Variants in CCHCR1 observed in about 807,000 individuals in gnomAD.
CCHCR1 encodes HCR (a-helix coiled-coil rod homologue).
In CCHCR1, 91 loss-of-function variants were observed where a neutral mutation model predicts 114.6. The ratio of observed to expected loss-of-function variants is 0.79; its 90% CI spans 0.67 to 0.94. CCHCR1 has a LOEUF of 0.94. Among genes scored for constraint, CCHCR1 ranks in the 40% least tolerant of loss-of-function variants. CCHCR1 has a pLI of 0.00. For synonymous variants in CCHCR1, 379 were observed against 428.5 expected (o/e 0.88, Z 1.43); for missense variants, 899 against 1,079.9 (o/e 0.83, Z 2.35).
Position 31,151,025 on chromosome 6 carries a change from C to T in CCHCR1, c.899G>A (p.Arg300Lys). Residue 300 changes from arginine (R) to lysine (K), a missense_variant, in exon 5 of 18, where the codon AGA becomes AAA. Physicochemically the swap from Arg to Lys is conservative, Grantham distance 26. Transcript: ENST00000396268. This position sits in a 1 kb window ranked among gnomAD's most constrained non-coding sequence, Gnocchi z 4.1. ...GGCCAGCTCCTTGGCTTCCCCTGCT[C>T]TTCTGGTTTCCAGACTACTCAGAGA... ...EKSLSSLETR[R>K]AGEAKELAEA... 1 of 1,613,110 alleles carries T rather than the reference C, an allele frequency of 6.2e-7. No homozygotes were observed. The highest frequency in any genetic ancestry group is 8.5e-7 in the Non-Finnish European group (1 of 1,180,048).
Position 31,150,078 on chromosome 6 carries a change from C to CTG in CCHCR1, c.1348_1349dup (p.Gln450HisfsTer3). The CTG allele has an allele frequency of 6.2e-7, 1 of 1,614,188 alleles. No individual in the cohort carries two copies. Among genetic ancestry groups the CTG allele is most frequent in the Non-Finnish European group, 8.5e-7 (1 of 1,180,034 alleles). On this transcript the variant is annotated frameshift_variant, in exon 8 of 18. Transcript: ENST00000396268. LOFTEE classifies it high-confidence loss of function. This position sits in a 1 kb window ranked among gnomAD's most constrained non-coding sequence, Gnocchi z 5.3. ...AGAGTGCAGTGACCTGTCCCTTCAG[C>CTG]TGCTTAACAGAGTCACTGTGTTCCA...
rs776489467 is a variant in CCHCR1 at position 31,150,941 on chromosome 6, C to T, written c.965+18G>A. On this transcript the variant is annotated intron_variant, in intron 5 of 17. Coordinates refer to ENST00000396268, the MANE Select transcript of CCHCR1 (RefSeq NM_001105564.2). This position sits in a 1 kb window ranked among gnomAD's most constrained non-coding sequence, Gnocchi z 5.3. ...ACATCACTAATTGCTGGGCTCCCGTCGGCGTCCGCCCACCTACCTCAGCTG... is the reference window on the plus strand; with the variant it reads ...ACATCACTAATTGCTGGGCTCCCGTTGGCGTCCGCCCACCTACCTCAGCTG... The T allele has an allele frequency of 3.7e-6, 6 of 1,611,788 alleles. No individual in the cohort carries two copies. The highest frequency in any genetic ancestry group is 1.3e-5 in the African/African-American group (1 of 74,866).
Position 31,157,556 on chromosome 6 carries a change from TA to T in CCHCR1, c.44del (p.Leu15Ter). On this transcript the variant is annotated frameshift_variant, in exon 1 of 18. Transcript: ENST00000396268. LOFTEE classifies it high-confidence loss of function. Reference sequence around the variant, plus strand: ...CCATGACTCTTGGGTCCTTCCCTGTTAAAGTGCTGGCCCAAGGCCTGGCCCC... The same window carrying T: ...CCATGACTCTTGGGTCCTTCCCTGTTAAGTGCTGGCCCAAGGCCTGGCCCC... ...SAGARPWAST[L>X]TGKDPRVMAC... 6.2e-7 allele frequency: 1 copy of T among 1,612,902 alleles called. No individual in the cohort carries two copies. Among genetic ancestry groups the T allele is most frequent in the Non-Finnish European group, 8.5e-7 (1 of 1,179,994 alleles).
rs774791780 is a variant in CCHCR1 at position 31,142,580 on chromosome 6, A to G, written c.*12T>C. 1.9e-6 allele frequency: 3 copies of G among 1,607,298 alleles called. No homozygotes were observed. The highest frequency in any genetic ancestry group is 2.6e-6 in the Non-Finnish European group (3 of 1,175,688). On this transcript the variant is annotated 3_prime_UTR_variant, in exon 18 of 18. Coordinates refer to ENST00000396268, the MANE Select transcript of CCHCR1 (RefSeq NM_001105564.2). ...AGCCCCCAGGCTGGCTTTCCCTCCA[A>G]CTGTCAGCTGCTTAGCTGCTCATCT...
Position 31,143,852 on chromosome 6 carries a change from A to G in CCHCR1, c.2168-439T>C, listed in dbSNP as rs1446271859. Among the ~76,000 whole-genome samples the G allele has an allele frequency of 3.3e-5, 5 of 152,132 alleles. No individual in the cohort carries two copies. Among genetic ancestry groups the G allele is most frequent in the Non-Finnish European group, 7.4e-5 (5 of 68,018 alleles). The stretch of plus-strand genomic sequence containing the variant: ...AAGGCGGGCGGATCACGAGGTTAGG[A>G]GCTCGAGACCATCCTGGCCAACATG... On this transcript the variant is annotated intron_variant, in intron 15 of 17. Transcript: ENST00000396268. The surrounding 1 kb of genome is among the most constrained non-coding windows in gnomAD (Gnocchi z 5.3).
Position 31,145,224 on chromosome 6 carries a change from T to C in CCHCR1, c.1818A>G (p.Ala606=). Residue 606 remains alanine, a synonymous_variant, in exon 13 of 18, where the codon GCA becomes GCG. Transcript: ENST00000396268. ...TGAGGCGGGCACTCAGCTGCAGTTC[T>C]GCATCCAGGCGGTTCCGTTCTTCCC... is the stretch of plus-strand genomic sequence containing the variant. The part of the protein sequence containing the change: ...QLREERNRLD[A]ELQLSARLIQ... The C allele has an allele frequency of 6.2e-7, 1 of 1,613,534 alleles. No individual in the cohort carries two copies. The highest frequency in any genetic ancestry group is 8.5e-7 in the Non-Finnish European group (1 of 1,180,014).
At chr6:31,148,780 G>T in intron 8 of CCHCR1, 52 bp from the exon 9 acceptor site, 1 of 1,120,018 alleles carries the variant, frequency 8.9e-7, no homozygotes. Context: ...AAAGATGAGG[G>T]GGGCACTGGA....
At chr6:31,146,811 C>T (rs919786403) in intron 10 of CCHCR1, among the ~76,000 whole-genome samples, 1 of 152,176 alleles carries the variant, frequency 6.6e-6, no homozygotes, top group Non-Finnish European at 1.5e-5. Context: ...GTACCAAAGT[C>T]AAACCCTGTC....
intron 4 of CCHCR1, among the ~76,000 whole-genome samples, chr6:31,152,070 G>A (rs1337413076): frequency 6.6e-6 from 1 of 152,122 alleles, no homozygotes; most frequent in African/African-American, 2.4e-5. Context: ...GCCGAGGTGG[G>A]TGGATCACAA....
In CCHCR1 at chr6:31,154,838, G is replaced by A. The variant is rs1245978532; in HGVS notation, c.498-39C>T. The A allele has an allele frequency of 6.5e-7, 1 of 1,538,910 alleles. No individual in the cohort carries two copies. Among genetic ancestry groups the A allele is most frequent in the African/African-American group, 1.4e-5 (1 of 73,514 alleles). On this transcript the variant is annotated intron_variant, in intron 3 of 17. Transcript: ENST00000396268. The surrounding 1 kb of genome is among the most constrained non-coding windows in gnomAD (Gnocchi z 4.1). Reference sequence around the variant, plus strand: ...TTAGTGCAGGTGAGACTTGTCTCCAGTGCTGGAAGGATAGTTGAGGGCATA... The same window carrying A: ...TTAGTGCAGGTGAGACTTGTCTCCAATGCTGGAAGGATAGTTGAGGGCATA...
chr6:31,145,123 G>A (rs751505133), intron 13 of CCHCR1, 43 bp downstream of exon 13: 12 of 1,606,774 alleles, frequency 7.5e-6, no homozygotes, highest in South Asian at 2.2e-5. Context: ...CCTAGACACC[G>A]GGTTTTTCCT....
At chr6:31,145,523 G>C (rs1163117582) in intron 11 of CCHCR1, 30 bp from the exon 12 acceptor site, 8 of 1,610,910 alleles carry the variant, frequency 5.0e-6, no homozygotes, top group Non-Finnish European at 6.8e-6. Flanking sequence ...GAGAAAAAGA[G>C]ATGAAGTTTG....
At chr6:31,145,107 C>T (rs760911154) in intron 13 of CCHCR1, 34 bp from the exon 14 acceptor site, 32 of 1,602,384 alleles carry the variant, frequency 2.0e-5, no homozygotes, top group Non-Finnish European at 2.4e-5. Flanking sequence ...AGGCCTCTCC[C>T]AGCACCCTAG....
chr6:31,150,598 G>C lies in CCHCR1; in HGVS notation c.1102-33C>G, dbSNP rs771979845. 20 of 1,596,314 alleles carry C rather than the reference G, an allele frequency of 1.3e-5. No individual in the cohort carries two copies. Among genetic ancestry groups the C allele is most frequent in the Non-Finnish European group, 1.5e-5 (18 of 1,168,314 alleles). ...CAGAGGAAAGCAGCCCCTCTGTAGG[G>C]CCTCCATGCCGCCTTAGGTACCACC... On this transcript the variant is annotated intron_variant, in intron 6 of 17. Transcript: ENST00000396268. This position sits in a 1 kb window ranked among gnomAD's most constrained non-coding sequence, Gnocchi z 5.3.
At position 31,152,260 on chromosome 6, in the gene CCHCR1, C is replaced by T. The variant is rs1399625090; in HGVS notation, c.802-1138G>A. Among the ~76,000 whole-genome samples the T allele has an allele frequency of 1.6e-4, 21 of 134,260 alleles. No homozygotes were observed. In the South Asian group the frequency reaches 4.9e-3, roughly 31 times the overall value. 88.1% of individuals were successfully genotyped at this position (134,260 alleles called of 152,430 possible). ...TCGCGCCACTGCACTCCAGCCTGGGCGACAGAGCGAGACTCCATCTCAAAA... is the reference window on the plus strand; with the variant it reads ...TCGCGCCACTGCACTCCAGCCTGGGTGACAGAGCGAGACTCCATCTCAAAA... On this transcript the variant is annotated intron_variant, in intron 4 of 17. Transcript: ENST00000396268.
intron 10 of CCHCR1, among the ~76,000 whole-genome samples, chr6:31,147,399 C>CAAAAAAAA (rs9278998): frequency 3.9e-5 from 5 of 126,958 alleles, no homozygotes; most frequent in African/African-American, 9.3e-5. Flanking sequence ...GACTCTGTCT[C>CAAAAAAAA]AAAAAAAAAA....
chr6:31,156,912 G>C lies in CCHCR1; in HGVS notation c.316C>G (p.Gln106Glu). ...STGLIPPSHFQARPLSTLPRM... is the reference protein window; with the variant it reads ...STGLIPPSHFEARPLSTLPRM... ...GGCAGAGTTGAAAGGGGCCGAGCTT[G>C]AAAGTGGGAGGGGGGAATCAGCCCA... Residue 106 changes from glutamine to glutamate, a missense_variant, in exon 3 of 18, where the codon CAA (glutamine) becomes GAA (glutamate). Gln to Glu is a conservative substitution (Grantham distance 29). Coordinates refer to ENST00000396268, the MANE Select transcript of CCHCR1 (RefSeq NM_001105564.2). 6.2e-7 allele frequency: 1 copy of C among 1,612,972 alleles called. No individual in the cohort carries two copies. Among genetic ancestry groups the C allele is most frequent in the Non-Finnish European group, 8.5e-7 (1 of 1,180,020 alleles).
Position 31,154,435 on chromosome 6 carries a change from C to T in CCHCR1, c.801+61G>A. The T allele has an allele frequency of 1.5e-6, 2 of 1,377,990 alleles. No individual in the cohort carries two copies. Among genetic ancestry groups the T allele is most frequent in the Non-Finnish European group, 2.0e-6 (2 of 982,588 alleles). The allele number at this position is 1,377,990 out of a possible 1,614,324, so 85.4% of individuals were successfully genotyped here. A position where few individuals can be genotyped will look rare whatever the true frequency, so the allele number is the denominator to read the frequency against. ...TCTTTTCTGCAATACCTGTTCTTTG[C>T]TTGGAAGCTACTGCCCAGCTCTCCG... On this transcript the variant is annotated intron_variant, in intron 4 of 17. Transcript: ENST00000396268. The surrounding 1 kb of genome is among the most constrained non-coding windows in gnomAD (Gnocchi z 4.1).
Position 31,148,651 on chromosome 6 carries a change from G to C in CCHCR1, c.1440C>G (p.Ala480=). The C allele has an allele frequency of 1.2e-6, 2 of 1,612,856 alleles. No individual in the cohort carries two copies. Among genetic ancestry groups the C allele is most frequent in the Non-Finnish European group, 1.7e-6 (2 of 1,179,864 alleles). ...AILQRSLQDK[A]AEVEVERMGA... ...CCATACGCTCCACCTCCACCTCTGC[G>C]GCTTTGTCCTGCAGGGATCGCTGCA... The change falls in exon 9 of 18, where the codon GCC becomes GCG. Residue 480 remains alanine, a synonymous_variant. Transcript: ENST00000396268.
Sources: allele counts gnomAD v4.1 joint callset (sites outside exome capture counted in the v4.1 genomes callset), GRCh38; gene constraint gnomAD v4.1.1; non-coding constraint Gnocchi (gnomAD v3.1); transcripts MANE v1.5; gene names NCBI Gene and HGNC (gene_info 2026-07-23, HGNC 2026-07-21).